ANKK1: variants seen among roughly 807,000 people sequenced by gnomAD.
ANKK1 encodes the protein ankyrin repeat and protein kinase domain-containing protein 1.
A neutral mutation model predicts 37.6 loss-of-function variants in ANKK1; 37 were observed. That is an observed-to-expected ratio of 0.98 (90% CI 0.76 to 1.29). ANKK1 has a LOEUF of 1.29. Ranked by LOEUF, ANKK1 falls within the 50% of genes most tolerant of loss-of-function variation. The pLI is 0.00. For synonymous variants in ANKK1, 415 were observed against 418.7 expected, an observed-to-expected ratio of 0.99 and a Z score of 0.11; for missense variants, 1,019 against 990.6, an observed-to-expected ratio of 1.03 and a Z score of -0.39.
rs781363250 is a variant in ANKK1 at position 113,399,645 on chromosome 11, G to A, written c.1676G>A (p.Ser559Asn). Residue 559 changes from serine (S) to asparagine (N), a missense_variant, in exon 8 of 8, where the codon AGC (serine) becomes AAC (asparagine). Physicochemically the swap from Ser to Asn is conservative, Grantham distance 46. Transcript: ENST00000303941. ...GCGGTCCCTGATGCCCTTGACCAGA[G>A]CGGCTACGGCCCACTGCACACTGCA... ...SGAVPDALDQ[S>N]GYGPLHTAAA... is the part of the protein sequence containing the mutation. The A allele has an allele frequency of 1.9e-6, 3 of 1,605,188 alleles. No individual in the cohort carries two copies.
At chr11:113,391,995 G>C (rs560820141) in intron 1 of ANKK1, among the ~76,000 whole-genome samples, 1 of 152,172 alleles carries the variant, frequency 6.6e-6, no homozygotes, top group Non-Finnish European at 1.5e-5. Flanking sequence ...TAGCAACATA[G>C]AGGCTGTTGG....
chr11:113,397,847 G>C (rs951263262), intron 6 of ANKK1, 133 bp from the exon 7 acceptor site: 9 of 1,005,072 alleles, frequency 9.0e-6, no homozygotes, highest in Non-Finnish European at 1.4e-5. Context: ...AAGGATAAAG[G>C]TTTCCCAGGA....
rs1382132698 is a variant in ANKK1, at chr11:113,387,826, C to T, written c.-59C>T. 7.0e-6 allele frequency: 10 copies of T among 1,428,318 alleles called. No individual in the cohort carries two copies. The highest frequency in any genetic ancestry group is 9.2e-6 in the Non-Finnish European group (10 of 1,089,602). The allele number at this position is 1,428,318 out of a possible 1,614,324, so 88.5% of individuals were successfully genotyped here. On this transcript the variant is annotated 5_prime_UTR_variant, in exon 1 of 8. Transcript: ENST00000303941. ...GAGCAGGAAGCGGCGGCTCCTTCGG[C>T]CACCCAGGCAGCAGCCACAGCGGGG...
chr11:113,398,139 T>A, intron 7 of ANKK1, 123 bp downstream of exon 7: 1 of 1,157,314 alleles, frequency 8.6e-7, no homozygotes, highest in Non-Finnish European at 1.2e-6. Context: ...CATCCAGGGT[T>A]TAGGTGCCCT....
Position 113,388,100 on chromosome 11 carries a change from G to A in ANKK1, c.185+31G>A, listed in dbSNP as rs553234761. On this transcript the variant is annotated intron_variant, in intron 1 of 7. Coordinates refer to ENST00000303941, the MANE Select transcript of ANKK1 (RefSeq NM_178510.2). ...GCCAGCCTCGCCCTCCCCTTTCTCG[G>A]AGGAGAAACTGAGGCCCGGCAAGCT... The A allele has an allele frequency of 7.6e-6, 11 of 1,446,044 alleles. No homozygotes were observed. In the African/African-American group the frequency reaches 1.6e-4, roughly 21 times the overall value. The allele number at this position is 1,446,044 out of a possible 1,614,324, so 89.6% of individuals were successfully genotyped here.
intron 4 of ANKK1, among the ~76,000 whole-genome samples, chr11:113,395,836 G>C (rs1238982534): frequency 6.6e-6 from 1 of 152,226 alleles, no homozygotes; most frequent in Non-Finnish European, 1.5e-5. Context: ...CTGCAATGTG[G>C]GGTCATGTCT....
chr11:113,388,200 A>G, intron 1 of ANKK1, 131 bp downstream of exon 1: 1 of 1,235,908 alleles, frequency 8.1e-7, no homozygotes, highest in Non-Finnish European at 1.1e-6. Context: ...GTATTTCTGA[A>G]TTCCACCCAG....
intron 1 of ANKK1, among the ~76,000 whole-genome samples, chr11:113,392,443 T>C (rs1030883554): frequency 1.3e-5 from 2 of 152,214 alleles, no homozygotes; most frequent in African/African-American, 2.4e-5. Context: ...GAAGAGCATG[T>C]GGTTTTTCCT....
intron 1 of ANKK1, among the ~76,000 whole-genome samples, chr11:113,391,414 C>A (rs1950586004): frequency 6.6e-6 from 1 of 152,126 alleles, no homozygotes; most frequent in Non-Finnish European, 1.5e-5. Flanking sequence ...ACTTTGGCTG[C>A]TGGGTTGAGA....
Position 113,393,746 on chromosome 11 carries a change from A to G in ANKK1, c.451A>G (p.Ile151Val). ...CCACCTGGACCTCAAGCCGGGCAAC[A>G]TACTCCTGGACAGCAACATGCATGT... ...LLHLDLKPGNILLDSNMHVKI... is the reference protein window; with the variant it reads ...LLHLDLKPGNVLLDSNMHVKI... Residue 151 changes from isoleucine (I) to valine (V), a missense_variant, in exon 2 of 8, where the codon ATA (isoleucine) becomes GTA (valine). Transcript: ENST00000303941. 1.2e-6 allele frequency: 2 copies of G among 1,611,096 alleles called. No individual in the cohort carries two copies. Among genetic ancestry groups the G allele is most frequent in the East Asian group, 2.2e-5 (1 of 44,872 alleles).
chr11:113,388,000 C>A lies in ANKK1; in HGVS notation c.116C>A (p.Ala39Glu), dbSNP rs554233180. ...ASGGFSQVFQ[A>E]RHRRWRTEYA... ...GGCGGCTTCAGCCAGGTGTTCCAGGCGCGGCACAGGCGCTGGCGGACGGAG... is the reference window on the plus strand; with the variant it reads ...GGCGGCTTCAGCCAGGTGTTCCAGGAGCGGCACAGGCGCTGGCGGACGGAG... Residue 39 changes from alanine (A) to glutamate (E), a missense_variant, in exon 1 of 8, where the codon GCG (alanine) becomes GAG (glutamate). Coordinates refer to ENST00000303941, the MANE Select transcript of ANKK1 (RefSeq NM_178510.2). The A allele has an allele frequency of 1.5e-4, 241 of 1,570,382 alleles. No homozygotes were observed. Among genetic ancestry groups the A allele is most frequent in the Middle Eastern group, 6.7e-4 (4 of 5,944 alleles).
chr11:113,399,376 A>G lies in ANKK1; in HGVS notation c.1407A>G (p.Ala469=). The stretch of plus-strand genomic sequence containing the variant: ...GGTGGACCCCTCTTCACCTGGCTGC[A>G]CAGAATAACTTTGAGAATGTGGCAC... The part of the protein sequence containing the change: ...REGWTPLHLA[A]QNNFENVARL... The change falls in exon 8 of 8, where the codon GCA becomes GCG. Residue 469 remains alanine (A), a synonymous_variant. Transcript: ENST00000303941. 1 of 1,601,322 alleles carries G rather than the reference A, an allele frequency of 6.2e-7. No homozygotes were observed. The highest frequency in any genetic ancestry group is 8.5e-7 in the Non-Finnish European group (1 of 1,174,370).
chr11:113,388,608 C>T (rs556889071), intron 1 of ANKK1, among the ~76,000 whole-genome samples: 1 of 152,350 alleles, frequency 6.6e-6, no homozygotes, highest in East Asian at 1.9e-4. Context: ...TGGAGACTGC[C>T]CGGCCTGATG....
At position 113,400,321 on chromosome 11, in the gene ANKK1, C is replaced by G. The variant is rs1950694187; in HGVS notation, c.*54C>G. 3.5e-6 allele frequency: 5 copies of G among 1,441,966 alleles called. No homozygotes were observed. The highest frequency in any genetic ancestry group is 4.6e-6 in the Non-Finnish European group (5 of 1,080,744). 89.3% of individuals were successfully genotyped at this position (1,441,966 alleles called of 1,614,324 possible). On this transcript the variant is annotated 3_prime_UTR_variant, in exon 8 of 8. Transcript: ENST00000303941. Reference sequence around the variant, plus strand: ...TCTGTAATCCCAGCACTTTGGGAGGCTGAGGCAGGCAGATCACCTGATATC... The same window carrying G: ...TCTGTAATCCCAGCACTTTGGGAGGGTGAGGCAGGCAGATCACCTGATATC...
Position 113,396,372 on chromosome 11 carries a change from C to T in ANKK1, c.838+150C>T, listed in dbSNP as rs540305930. ...TTTTTTTTTTTTTCAGAGACACGGTCTCTCTGGTCCAGGCTGGAGTGTGGT... is the reference window on the plus strand; with the variant it reads ...TTTTTTTTTTTTTCAGAGACACGGTTTCTCTGGTCCAGGCTGGAGTGTGGT... On this transcript the variant is annotated intron_variant, in intron 5 of 7. Coordinates refer to ENST00000303941, the MANE Select transcript of ANKK1 (RefSeq NM_178510.2). 2.0e-5 allele frequency: 19 copies of T among 968,326 alleles called. No individual in the cohort carries two copies. The Middle Eastern group carries it at 1.4e-3, about 69-fold the overall frequency. 60.0% of individuals were successfully genotyped at this position (968,326 alleles called of 1,614,324 possible). A position where few individuals can be genotyped will look rare whatever the true frequency, so the allele number is the denominator to read the frequency against.
chr11:113,393,534 T>G lies in ANKK1; in HGVS notation c.239T>G (p.Phe80Cys). 6.2e-7 allele frequency: 1 copy of G among 1,613,996 alleles called. No individual in the cohort carries two copies. Among genetic ancestry groups the G allele is most frequent in the Non-Finnish European group, 8.5e-7 (1 of 1,179,900 alleles). The change falls in exon 2 of 8, where the codon TTT (phenylalanine) becomes TGT (cysteine). Residue 80 changes from phenylalanine (F) to cysteine (C), a missense_variant. By Grantham distance (205) the Phe-to-Cys change is radical. Transcript: ENST00000303941. Reference sequence around the variant, plus strand: ...GCTGCCAAAATGAAGAAGATCAAGTTTCAGCACATCGTGTCTATCTACGGG... The same window carrying G: ...GCTGCCAAAATGAAGAAGATCAAGTGTCAGCACATCGTGTCTATCTACGGG... The part of the protein sequence containing the change: ...EEAAKMKKIK[F>C]QHIVSIYGVC...
At position 113,400,071 on chromosome 11, in the gene ANKK1, T is replaced by C. The variant is rs1391833796; in HGVS notation, c.2102T>C (p.Leu701Pro). 13 of 1,613,324 alleles carry C rather than the reference T, an allele frequency of 8.1e-6. No homozygotes were observed. Among genetic ancestry groups the C allele is most frequent in the Non-Finnish European group, 1.1e-5 (13 of 1,179,752 alleles). The part of the protein sequence containing the change: ...VGWTPAHLAA[L>P]KGNTAILKVL... ...TGGACACCCGCCCACCTGGCCGCCC[T>C]CAAGGGCAACACAGCCATCCTCAAA... Residue 701 changes from leucine (L) to proline (P), a missense_variant, in exon 8 of 8, where the codon CTC becomes CCC. Transcript: ENST00000303941.
intron 1 of ANKK1, among the ~76,000 whole-genome samples, chr11:113,392,473 C>A (rs915087311): frequency 6.6e-6 from 1 of 152,234 alleles, no homozygotes; most frequent in Non-Finnish European, 1.5e-5. Context: ...GGCTCTCCAG[C>A]TGGCTTCCCA....
In ANKK1 at chr11:113,399,187, G is replaced by A. The variant is rs1232890899; in HGVS notation, c.1218G>A (p.Gln406=). ...CCCTCCTGATCGCCGCCCAGGACCAGCAACCCGACCTCTGTGCCCTGCTTT... is the reference window on the plus strand; with the variant it reads ...CCCTCCTGATCGCCGCCCAGGACCAACAACCCGACCTCTGTGCCCTGCTTT... ...YTPLLIAAQD[Q]QPDLCALLLA... Residue 406 remains glutamine (Q), a synonymous_variant, in exon 8 of 8, where the codon CAG becomes CAA. Coordinates refer to ENST00000303941, the MANE Select transcript of ANKK1 (RefSeq NM_178510.2). The A allele has an allele frequency of 2.5e-6, 4 of 1,601,124 alleles. No homozygotes were observed. In the East Asian group the frequency reaches 9.0e-5, roughly 36 times the overall value.
Sources: allele counts gnomAD v4.1 joint callset (sites outside exome capture counted in the v4.1 genomes callset), GRCh38; gene constraint gnomAD v4.1.1; transcripts MANE v1.5; gene names NCBI Gene and HGNC (gene_info 2026-07-23, HGNC 2026-07-21).